RAB11FIP3: variants seen among roughly 807,000 people sequenced by gnomAD.
RAB11FIP3 encodes rab11 family-interacting protein 3.
RAB11FIP3 carries 17 observed loss-of-function variants against 77.8 expected under a neutral mutation model. That is an observed-to-expected ratio of 0.22 (90% confidence interval 0.15 to 0.33). RAB11FIP3 has a LOEUF of 0.33. RAB11FIP3 is among the 10% of genes least tolerant of loss of function. The pLI, the probability that RAB11FIP3 is intolerant of heterozygous loss-of-function variation, is 1.00. For synonymous variants in RAB11FIP3, 437 were observed against 448.2 expected (o/e 0.98, Z 0.31); for missense variants, 1,005 against 1,011.2 (o/e 0.99, Z 0.08).
chr16:497,557 C>CAGAGGGGAT, intron 6 of RAB11FIP3: 1 of 939,270 alleles, frequency 1.1e-6, no homozygotes, highest in Non-Finnish European at 1.4e-6. Flanking sequence ...CTGGAGCATC[C>CAGAGGGGAT]CCTCTGGAGC....
At chr16:516,066 C>T (rs1483821570) in intron 9 of RAB11FIP3, among the ~76,000 whole-genome samples, 2 of 152,236 alleles carry the variant, frequency 1.3e-5, no homozygotes, top group Admixed American at 1.3e-4. Flanking sequence ...GCCTCCCCGG[C>T]AGTGCAGAGG....
At chr16:502,588 G>C (rs935721709) in intron 6 of RAB11FIP3, among the ~76,000 whole-genome samples, 1 of 152,190 alleles carries the variant, frequency 6.6e-6, no homozygotes, top group Non-Finnish European at 1.5e-5. Context: ...CACAGGGGAG[G>C]TGTCTGCAGG....
intron 3 of RAB11FIP3, among the ~76,000 whole-genome samples, chr16:475,422 CAAATA>C (rs1324181815): frequency 1.3e-5 from 2 of 152,174 alleles, no homozygotes; most frequent in African/African-American, 4.8e-5. Context: ...GGCTGGCTGG[CAAATA>C]AAATAAACTG....
At chr16:448,327 G>C (rs998334285) in intron 1 of RAB11FIP3, among the ~76,000 whole-genome samples, 6 of 151,080 alleles carry the variant, frequency 4.0e-5, no homozygotes, top group African/African-American at 1.5e-4. Context: ...AAAATAGCCG[G>C]GCGCAGTGGC....
At chr16:497,543 TCCTCTGGAGCATCC>T (rs1942269593) in intron 6 of RAB11FIP3, 2 of 1,035,596 alleles carry the variant, frequency 1.9e-6, no homozygotes, top group Non-Finnish European at 2.5e-6. Context: ...CTCTCCAGCT[TCCTCTGGAGCATCC>T]CCTCTGGAGC....
At chr16:497,230 TGAGTC>T (rs1273697368) in intron 6 of RAB11FIP3, 3 of 1,288,290 alleles carry the variant, frequency 2.3e-6, no homozygotes, top group Non-Finnish European at 3.1e-6. Context: ...CTCCCCAAGG[TGAGTC>T]GAAGGTGAGG....
At chr16:460,260 C>A (rs1205721141) in intron 1 of RAB11FIP3, among the ~76,000 whole-genome samples, 2 of 152,134 alleles carry the variant, frequency 1.3e-5, no homozygotes, top group African/African-American at 2.4e-5. Flanking sequence ...CAAATACTTT[C>A]TCCCAGTCAG....
intron 5 of RAB11FIP3, chr16:491,392 TG>T: frequency 9.2e-7 from 1 of 1,085,512 alleles, no homozygotes. Flanking sequence ...GGACTCTCCC[TG>T]GGGCCCCGCC....
chr16:476,565 C>A (rs1207967544), intron 3 of RAB11FIP3, among the ~76,000 whole-genome samples: 1 of 152,052 alleles, frequency 6.6e-6, no homozygotes. Context: ...TCCACACTGG[C>A]CAGGGAAGGG....
chr16:461,728 A>C lies in RAB11FIP3; in HGVS notation c.808+231A>C, dbSNP rs747780794. The stretch of plus-strand genomic sequence containing the variant: ...TTAACTACTTTTCCATAATGCTAGA[A>C]AGCAACTGCCCCCTTCCTCAAAGAT... On this transcript the variant is annotated intron_variant, in intron 2 of 13. Transcript: ENST00000262305. The surrounding 1 kb of genome is among the most constrained non-coding windows in gnomAD (Gnocchi z 4.5). Among the ~76,000 whole-genome samples the C allele has an allele frequency of 3.8e-4, 58 of 152,172 alleles. No homozygotes were observed. The highest frequency in any genetic ancestry group is 8.3e-4 in the South Asian group (4 of 4,824).
Position 429,312 on chromosome 16 carries a change from G to A in RAB11FIP3, c.714+2592G>A, listed in dbSNP as rs377122360. 7.6e-4 allele frequency among the ~76,000 whole-genome samples: 116 copies of A among 151,954 alleles called. 1 individual carries two copies. The highest frequency in any genetic ancestry group is 3.4e-3 in the Middle Eastern group (1 of 294). On this transcript the variant is annotated intron_variant, in intron 1 of 13. Transcript: ENST00000262305. ...TCAGTATATATTTCCAAAAGATACCGATTCTTTTAAAGACATTAATGATTT... is the reference window on the plus strand; with the variant it reads ...TCAGTATATATTTCCAAAAGATACCAATTCTTTTAAAGACATTAATGATTT...
At chr16:480,286 C>CAAAAAAAAGAAAAAAAAAAAAAAAA (rs752259728) in intron 3 of RAB11FIP3, among the ~76,000 whole-genome samples, 2 of 80,024 alleles carry the variant, frequency 2.5e-5, no homozygotes, top group African/African-American at 9.6e-5. Flanking sequence ...ACTCCTTCTC[C>CAAAAAAAAGAAAAAAAAAAAAAAAA]AAAAAAAAAA....
chr16:518,340 C>G (rs527842288), intron 9 of RAB11FIP3, among the ~76,000 whole-genome samples: 109 of 152,346 alleles, frequency 7.2e-4, no homozygotes, highest in African/African-American at 2.2e-3. Context: ...ATTGGCCTCC[C>G]AAAGTGTTGG....
chr16:521,557 G>A lies in RAB11FIP3; in HGVS notation c.*718G>A, dbSNP rs942138904. 1.3e-5 allele frequency: 2 copies of A among 152,794 alleles called. No homozygotes were observed. The highest frequency in any genetic ancestry group is 3.4e-3 in the Middle Eastern group (1 of 296). 9.5% of individuals were successfully genotyped at this position (152,794 alleles called of 1,614,324 possible). On this transcript the variant is annotated 3_prime_UTR_variant, in exon 14 of 14. Transcript: ENST00000262305. ...TTCCCACGGCCCAGTCCTCGCTGCA[G>A]TAACCCCTGGGGGCTCTGACCACCT...
At chr16:466,513 C>A (rs998723871) in intron 2 of RAB11FIP3, among the ~76,000 whole-genome samples, 2 of 152,164 alleles carry the variant, frequency 1.3e-5, no homozygotes, top group African/African-American at 4.8e-5. Flanking sequence ...GTGGGAGATG[C>A]CCACCAAGCA....
chr16:480,306 A>AAAAAAAAAAAAAAAT (rs2056013455), intron 3 of RAB11FIP3, among the ~76,000 whole-genome samples: 1 of 150,166 alleles, frequency 6.7e-6, no homozygotes, highest in Non-Finnish European at 1.5e-5. Context: ...AAAAAAAAAA[A>AAAAAAAAAAAAAAAT]GTTGAATTGT....
chr16:477,554 G>T, intron 3 of RAB11FIP3: 2 of 911,000 alleles, frequency 2.2e-6, no homozygotes, highest in Non-Finnish European at 2.6e-6. Flanking sequence ...GGCCACTCCC[G>T]CCTTTTCCTG....
intron 4 of RAB11FIP3, among the ~76,000 whole-genome samples, chr16:487,863 G>C (rs1437005234): frequency 6.6e-6 from 1 of 152,146 alleles, no homozygotes; most frequent in Non-Finnish European, 1.5e-5. Context: ...TTACGTTTTA[G>C]CTTAAAGTAG....
intron 2 of RAB11FIP3, among the ~76,000 whole-genome samples, chr16:462,613 G>GATCCCTTCCCCAGCACA (rs1567370876): frequency 9.2e-5 from 13 of 141,900 alleles, no homozygotes; most frequent in East Asian, 2.2e-4. Flanking sequence ...TCCCCAGCAC[G>GATCCCTTCCCCAGCACA]ATCCCTTCCC....
Sources: gnomAD v4.1 joint callset for allele counts (sites outside exome capture counted in the v4.1 genomes callset) on GRCh38, gnomAD v4.1.1 for gene constraint, Gnocchi (gnomAD v3.1) non-coding constraint, MANE v1.5 for transcripts, NCBI Gene and HGNC (gene_info 2026-07-23, HGNC 2026-07-21) for gene names.